The following RSBN1L variants were observed in gnomAD, a reference collection of about 807,000 sequenced individuals.
The protein encoded by RSBN1L is lysine-specific demethylase RSBN1L.
In RSBN1L, 30 loss-of-function variants were observed where a neutral mutation model predicts 67.7. That is an observed-to-expected ratio of 0.44 (90% CI 0.33 to 0.60). RSBN1L has a LOEUF of 0.60. Among genes scored for constraint, RSBN1L ranks in the 20% least tolerant of loss-of-function variants. RSBN1L has a pLI of 0.02. For synonymous variants in RSBN1L, 433 were observed against 387.0 expected (o/e 1.12, Z -1.39); for missense variants, 992 against 1,031.7 (o/e 0.96, Z 0.53).
intron 1 of RSBN1L, among the ~76,000 whole-genome samples, chr7:77,727,409 G>C (rs1323766778): frequency 1.3e-5 from 2 of 152,166 alleles, no homozygotes; most frequent in Non-Finnish European, 2.9e-5. Flanking sequence ...TTAATTCCAA[G>C]TTTCTGAATA....
intron 3 of RSBN1L, among the ~76,000 whole-genome samples, chr7:77,762,356 C>T (rs562013849): frequency 1.3e-5 from 2 of 152,106 alleles, no homozygotes; most frequent in Non-Finnish European, 2.9e-5. Flanking sequence ...AGTGCCCAAA[C>T]TAGACAGAGA....
intron 1 of RSBN1L, among the ~76,000 whole-genome samples, chr7:77,714,630 G>A (rs549586546): frequency 5.8e-4 from 88 of 152,260 alleles, no homozygotes; most frequent in Middle Eastern, 3.4e-3. Flanking sequence ...AGTATTTGAA[G>A]ATTGTGGGTA....
chr7:77,742,248 A>G (rs772255937), intron 2 of RSBN1L, among the ~76,000 whole-genome samples: 51 of 151,744 alleles, frequency 3.4e-4, no homozygotes, highest in Non-Finnish European at 6.3e-4. Flanking sequence ...AAAAATATAC[A>G]GACACACAGT....
intron 1 of RSBN1L, among the ~76,000 whole-genome samples, chr7:77,709,190 G>A (rs13437986): frequency 0.28 from 37,489 of 133,206 alleles, 4,648 homozygotes; most frequent in African/African-American, 0.32. Flanking sequence ...GTGTGTGTGT[G>A]TGTGTGTATG....
chr7:77,717,285 A>G (rs1791061408), intron 1 of RSBN1L, among the ~76,000 whole-genome samples: 1 of 152,062 alleles, frequency 6.6e-6, no homozygotes, highest in Non-Finnish European at 1.5e-5. Flanking sequence ...TTTTATTGGT[A>G]TTTAATACAG....
intron 2 of RSBN1L, among the ~76,000 whole-genome samples, chr7:77,744,816 C>A (rs1398759270): frequency 6.6e-6 from 1 of 152,220 alleles, no homozygotes; most frequent in Non-Finnish European, 1.5e-5. Context: ...GCTTCTCATA[C>A]TAGTTCTTCA....
intron 1 of RSBN1L, among the ~76,000 whole-genome samples, chr7:77,729,712 G>A (rs1791250261): frequency 6.6e-6 from 1 of 152,144 alleles, no homozygotes; most frequent in Admixed American, 6.6e-5. Flanking sequence ...CAGCACTTTG[G>A]GAGGCTGAGG....
At chr7:77,720,073 C>T (rs4729643) in intron 1 of RSBN1L, among the ~76,000 whole-genome samples, 87,376 of 151,980 alleles carry the variant, frequency 0.57, 26,994 homozygotes, top group African/African-American at 0.81. Context: ...TGTATGTGTC[C>T]TTTTTTATTT....
chr7:77,722,069 T>C (rs1451648235), intron 1 of RSBN1L, among the ~76,000 whole-genome samples: 1 of 152,176 alleles, frequency 6.6e-6, no homozygotes, highest in African/African-American at 2.4e-5. Flanking sequence ...AAAGAAGTAT[T>C]ATTAGTGTTA....
chr7:77,729,560 T>C (rs187819515), intron 1 of RSBN1L, among the ~76,000 whole-genome samples: 148 of 152,344 alleles, frequency 9.7e-4, no homozygotes, highest in African/African-American at 3.2e-3. Context: ...TAGAAGTATA[T>C]TGGGTGAATG....
At chr7:77,751,776 A>G (rs1246228966) in intron 3 of RSBN1L, among the ~76,000 whole-genome samples, 1 of 152,222 alleles carries the variant, frequency 6.6e-6, no homozygotes, top group African/African-American at 2.4e-5. Context: ...GAGAGAAGAG[A>G]TAACATGTTC....
intron 1 of RSBN1L, among the ~76,000 whole-genome samples, chr7:77,724,847 GT>G (rs1306843890): frequency 2.5e-4 from 33 of 132,300 alleles, no homozygotes; most frequent in African/African-American, 2.2e-4. Context: ...TTTCTTTTTT[GT>G]TTTTTTTTTT....
Position 77,779,245 on chromosome 7 carries a change from A to T in RSBN1L, c.*77A>T. The T allele has an allele frequency of 1.8e-5, 18 of 1,002,640 alleles. No homozygotes were observed. The highest frequency in any genetic ancestry group is 2.6e-5 in the Non-Finnish European group (18 of 687,144). 62.1% of individuals were successfully genotyped at this position (1,002,640 alleles called of 1,614,324 possible). On this transcript the variant is annotated 3_prime_UTR_variant, in exon 8 of 8. Transcript: ENST00000334955. ...GATTCATGAATTCTGAAAGCAAGCC[A>T]AGGACTTGCTCCTATGTCTGTTACA...
At chr7:77,769,090 G>A (rs1182932460) in intron 5 of RSBN1L, among the ~76,000 whole-genome samples, 1 of 152,130 alleles carries the variant, frequency 6.6e-6, no homozygotes, top group African/African-American at 2.4e-5. Flanking sequence ...ATACTAAGAA[G>A]ACTAAAATGT....
In RSBN1L at chr7:77,749,989, C is replaced by T; in HGVS notation, c.1269C>T (p.Pro423=). 1 of 1,613,302 alleles carries T rather than the reference C, an allele frequency of 6.2e-7. No individual in the cohort carries two copies. The highest frequency in any genetic ancestry group is 8.5e-7 in the Non-Finnish European group (1 of 1,179,446). ...TAGACTATTTTTCATTTAATTTTCC[C>T]AATTCACCAGTGAAAATGGAGATAT... is the stretch of plus-strand genomic sequence containing the variant. ...DFLDYFSFNF[P]NSPVKMEILG... Residue 423 remains proline (P), a synonymous_variant, in exon 3 of 8, where the codon CCC becomes CCT. Transcript: ENST00000334955.
At chr7:77,751,738 A>C (rs1168260877) in intron 3 of RSBN1L, among the ~76,000 whole-genome samples, 1 of 152,204 alleles carries the variant, frequency 6.6e-6, no homozygotes, top group Non-Finnish European at 1.5e-5. Flanking sequence ...TTATAATCTT[A>C]CTTTAGCAGT....
At chr7:77,760,108 T>C (rs1791680205) in intron 3 of RSBN1L, among the ~76,000 whole-genome samples, 1 of 152,188 alleles carries the variant, frequency 6.6e-6, no homozygotes, top group Non-Finnish European at 1.5e-5. Flanking sequence ...AAGTAAAAAA[T>C]CTTATAGATT....
intron 3 of RSBN1L, among the ~76,000 whole-genome samples, chr7:77,751,289 A>AT (rs2150426461): frequency 7.8e-6 from 1 of 127,614 alleles, no homozygotes; most frequent in African/African-American, 3.3e-5. Context: ...ACAGACATGC[A>AT]CCACCATGCC....
intron 1 of RSBN1L, among the ~76,000 whole-genome samples, chr7:77,729,799 A>T (rs1373027804): frequency 6.6e-6 from 1 of 152,022 alleles, no homozygotes; most frequent in Non-Finnish European, 1.5e-5. Context: ...ACAGAAAATT[A>T]AAAAATTAGC....
Sources: gnomAD v4.1 joint callset for allele counts (sites outside exome capture counted in the v4.1 genomes callset) on GRCh38, gnomAD v4.1.1 for gene constraint, MANE v1.5 for transcripts, NCBI Gene and HGNC (gene_info 2026-07-23, HGNC 2026-07-21) for gene names.